Variants in SDK1 observed in about 807,000 individuals in gnomAD.
The protein encoded by SDK1 is sidekick cell adhesion molecule 1.
SDK1 carries 157 observed loss-of-function variants against 245.5 expected under a neutral mutation model. That is an observed-to-expected ratio of 0.64 (90% confidence interval 0.56 to 0.73). The LOEUF (loss-of-function observed/expected upper bound fraction) is 0.73, where lower values mean the gene tolerates loss of function less well. Among genes scored for constraint, SDK1 ranks in the 30% least tolerant of loss-of-function variants. The pLI, the probability that SDK1 is intolerant of heterozygous loss-of-function variation, is 0.00. For synonymous variants in SDK1, 1,647 were observed against 1,278.5 expected (o/e 1.29, Z -6.15); for missense variants, 3,583 against 3,002.3 (o/e 1.19, Z -4.52).
chr7:3,988,506 AAT>A (rs1784048390), intron 14 of SDK1, among the ~76,000 whole-genome samples: 1 of 152,078 alleles, frequency 6.6e-6, no homozygotes, highest in Admixed American at 6.6e-5. Flanking sequence ...TGCTGCGTGC[AAT>A]ATAGAAGCCA....
At chr7:3,547,587 C>G (rs1779264948) in intron 1 of SDK1, among the ~76,000 whole-genome samples, 1 of 152,328 alleles carries the variant, frequency 6.6e-6, no homozygotes, top group South Asian at 2.1e-4. Context: ...AAAAAGGAAT[C>G]CTCATTCATA....
intron 1 of SDK1, among the ~76,000 whole-genome samples, chr7:3,437,153 C>T (rs1375960766): frequency 2.0e-5 from 3 of 152,138 alleles, no homozygotes; most frequent in Non-Finnish European, 2.9e-5. Context: ...TAGTCCTTCA[C>T]CTTTATTGTT....
At position 3,937,089 on chromosome 7, in the gene SDK1, C is replaced by T. The variant is rs1269856420; in HGVS notation, c.848-13834C>T. On this transcript the variant is annotated intron_variant, in intron 5 of 44. Coordinates refer to ENST00000404826, the MANE Select transcript of SDK1 (RefSeq NM_152744.4). Reference sequence around the variant, plus strand: ...ACTGTCCGTGCAGTGGCGTGTGCCCCAGGAGCACGGCAGTTCTCAACAAGA... The same window carrying T: ...ACTGTCCGTGCAGTGGCGTGTGCCCTAGGAGCACGGCAGTTCTCAACAAGA... Among the ~76,000 whole-genome samples the T allele has an allele frequency of 2.0e-5, 3 of 152,162 alleles. No homozygotes were observed. In the East Asian group the frequency reaches 5.8e-4, roughly 29 times the overall value.
intron 8 of SDK1, among the ~76,000 whole-genome samples, chr7:3,960,089 G>T (rs186494615): frequency 6.6e-6 from 1 of 152,204 alleles, no homozygotes; most frequent in Non-Finnish European, 1.5e-5. Context: ...AGCTCGGAGG[G>T]TAAGAATGAC....
chr7:3,744,317 C>G (rs1562411605), intron 4 of SDK1, among the ~76,000 whole-genome samples: 1 of 152,096 alleles, frequency 6.6e-6, no homozygotes, highest in African/African-American at 2.4e-5. Context: ...ACCTTTCTTT[C>G]CATATATACA....
intron 1 of SDK1, among the ~76,000 whole-genome samples, chr7:3,315,446 C>G (rs1282184720): frequency 6.6e-6 from 1 of 152,138 alleles, no homozygotes; most frequent in Non-Finnish European, 1.5e-5. Flanking sequence ...CTAGTCCTCT[C>G]CACATGAACA....
chr7:3,311,524 A>G (rs1036380403), intron 1 of SDK1, among the ~76,000 whole-genome samples: 3 of 152,242 alleles, frequency 2.0e-5, no homozygotes, highest in African/African-American at 4.8e-5. Flanking sequence ...GCATAGTGAC[A>G]AAAATGATCT....
chr7:3,368,213 T>A (rs377066832), intron 1 of SDK1, among the ~76,000 whole-genome samples: 1 of 152,218 alleles, frequency 6.6e-6, no homozygotes, highest in Admixed American at 6.5e-5. Flanking sequence ...GAGCCAGTTA[T>A]ATAAGTCATG....
chr7:3,707,411 A>C (rs534319493), intron 4 of SDK1, among the ~76,000 whole-genome samples: 1 of 152,342 alleles, frequency 6.6e-6, no homozygotes, highest in Non-Finnish European at 1.5e-5. Flanking sequence ...TGATCAGAGA[A>C]AATACTTGAA....
intron 22 of SDK1, among the ~76,000 whole-genome samples, chr7:4,091,769 A>G (rs1383303237): frequency 6.6e-6 from 1 of 152,162 alleles, no homozygotes; most frequent in African/African-American, 2.4e-5. Context: ...CTCAAGCAGA[A>G]TATACTCCAA....
At chr7:3,947,568 GTA>G (rs1554286518) in intron 5 of SDK1, among the ~76,000 whole-genome samples, 3 of 137,642 alleles carry the variant, frequency 2.2e-5, no homozygotes, top group African/African-American at 8.2e-5. Flanking sequence ...GTGTGTGTGT[GTA>G]TTTTTTTGTA....
chr7:3,884,064 T>A (rs111334137), intron 5 of SDK1, among the ~76,000 whole-genome samples: 1 of 91,538 alleles, frequency 1.1e-5, no homozygotes, highest in Non-Finnish European at 2.2e-5. Flanking sequence ...TTGTTTGTTT[T>A]TTGTTTGTTT....
intron 4 of SDK1, among the ~76,000 whole-genome samples, chr7:3,809,739 C>T (rs1779339089): frequency 6.6e-6 from 1 of 152,180 alleles, no homozygotes; most frequent in Non-Finnish European, 1.5e-5. Context: ...AAGACATAAT[C>T]CTCTGCGGGC....
intron 1 of SDK1, among the ~76,000 whole-genome samples, chr7:3,360,968 C>T (rs1429180479): frequency 2.0e-5 from 3 of 152,166 alleles, no homozygotes; most frequent in African/African-American, 4.8e-5. Flanking sequence ...CTCCAATTGC[C>T]ATTTATAGCA....
chr7:4,124,730 C>T (rs1418378126), intron 25 of SDK1, among the ~76,000 whole-genome samples: 2 of 152,228 alleles, frequency 1.3e-5, no homozygotes, highest in African/African-American at 4.8e-5. Flanking sequence ...GTGCAAGCCC[C>T]CCACCATGTT....
chr7:4,127,430 C>A lies in SDK1; in HGVS notation c.3873C>A (p.Thr1291=). The change falls in exon 26 of 45, where the codon ACC becomes ACA. Residue 1291 remains threonine (T), a synonymous_variant. Coordinates refer to ENST00000404826, the MANE Select transcript of SDK1 (RefSeq NM_152744.4). ...ENVSAEAVSS[T]QILLTWTSVP... ...TGTCAGCCGAGGCTGTCAGCTCGAC[C>A]CAGATTTTACTGACATGGACATCCG... The A allele has an allele frequency of 6.2e-7, 1 of 1,614,188 alleles. No individual in the cohort carries two copies. Among genetic ancestry groups the A allele is most frequent in the Non-Finnish European group, 8.5e-7 (1 of 1,180,024 alleles).
At chr7:3,541,631 T>C (rs1779055427) in intron 1 of SDK1, among the ~76,000 whole-genome samples, 2 of 152,234 alleles carry the variant, frequency 1.3e-5, no homozygotes, top group Admixed American at 6.5e-5. Flanking sequence ...ATATTTGGTA[T>C]TTATTTTTCT....
intron 4 of SDK1, among the ~76,000 whole-genome samples, chr7:3,644,014 T>A (rs1782740735): frequency 6.6e-6 from 1 of 151,320 alleles, no homozygotes; most frequent in African/African-American, 2.4e-5. Context: ...GCGATTCTCC[T>A]GCCTCAGCCT....
chr7:3,843,516 A>G (rs1193885675), intron 5 of SDK1, among the ~76,000 whole-genome samples: 1 of 152,198 alleles, frequency 6.6e-6, no homozygotes, highest in Non-Finnish European at 1.5e-5. Context: ...TCAATTGGTG[A>G]TATTCCTTCA....
Sources: gnomAD v4.1 joint callset for allele counts (sites outside exome capture counted in the v4.1 genomes callset) on GRCh38, gnomAD v4.1.1 for gene constraint, MANE v1.5 for transcripts, NCBI Gene and HGNC (gene_info 2026-07-23, HGNC 2026-07-21) for gene names.